OCA2: variants seen among roughly 807,000 people sequenced by gnomAD.
OCA2 encodes the protein OCA2 melanosomal transmembrane protein.
Under a neutral mutation model 100.2 loss-of-function variants are expected in OCA2, and 77 were observed. The ratio of observed to expected loss-of-function variants is 0.77; its 90% CI spans 0.64 to 0.93. The LOEUF is 0.93. Ranked by LOEUF, OCA2 falls within the 40% of genes least tolerant of loss-of-function variation. OCA2 has a pLI of 0.00. For missense variants in OCA2, 1,062 were observed against 1,089.1 expected (o/e 0.98, Z 0.35); for synonymous variants, 432 against 439.2 (o/e 0.98, Z 0.21).
At chr15:28,059,608 GTAC>G (rs1172516784) in intron 2 of OCA2, among the ~76,000 whole-genome samples, 7 of 152,264 alleles carry the variant, frequency 4.6e-5, no homozygotes, top group South Asian at 2.1e-4. Context: ...ACTAAAAGAT[GTAC>G]TACATTAAAA....
chr15:28,018,503 C>A lies in OCA2; in HGVS notation c.701G>T (p.Gly234Val). 6.2e-7 allele frequency: 1 copy of A among 1,613,778 alleles called. No individual in the cohort carries two copies. The highest frequency in any genetic ancestry group is 8.5e-7 in the Non-Finnish European group (1 of 1,179,920). ...ACTCGGCCCACTGGCCACTAGGGCC[C>A]CTGCCAGGTCCACCTGCAGCAGCGT... ...DSTLLQVDLA[G>V]ALVASGPSRP... The change falls in exon 7 of 24, where the codon GGG becomes GTG. Residue 234 changes from glycine (G) to valine (V), a missense_variant. Physicochemically the swap from Gly to Val is moderately radical, Grantham distance 109. Coordinates refer to ENST00000354638, the MANE Select transcript of OCA2 (RefSeq NM_000275.3).
chr15:28,056,118 C>G (rs1457731740), intron 2 of OCA2, among the ~76,000 whole-genome samples: 1 of 152,122 alleles, frequency 6.6e-6, no homozygotes, highest in Admixed American at 6.5e-5. Context: ...GTACAAGTGC[C>G]TGCAACGCTG....
chr15:28,000,376 T>C (rs1036586066), intron 9 of OCA2, among the ~76,000 whole-genome samples: 16 of 152,194 alleles, frequency 1.1e-4, no homozygotes, highest in African/African-American at 3.9e-4. Context: ...GGATAGTCTC[T>C]TCAATAAATG....
chr15:27,729,494 C>T, the OCA2 span, among the ~76,000 whole-genome samples: 13 of 152,076 alleles, frequency 8.5e-5, no homozygotes, highest in Admixed American at 7.9e-4. Context: ...TGCCACAATT[C>T]GTTACACTAC....
intron 15 of OCA2, among the ~76,000 whole-genome samples, chr15:27,966,428 G>T (rs2040568135): frequency 6.6e-6 from 1 of 152,180 alleles, no homozygotes; most frequent in Admixed American, 6.5e-5. Flanking sequence ...CGTGGCTTTA[G>T]GGGGTTATGA....
rs143177996 is a variant in OCA2, at chr15:28,057,094, A to G, written c.227+24554T>C. ...ACACTTCTTCCATTGCAAAGTTGCA[A>G]TGATTGATAGCATAAAATAGAACAC... is the stretch of plus-strand genomic sequence containing the variant. On this transcript the variant is annotated intron_variant, in intron 2 of 23. Transcript: ENST00000354638. Among the ~76,000 whole-genome samples the G allele has an allele frequency of 5.3e-4, 80 of 152,266 alleles. 1 individual carries two copies. Among genetic ancestry groups the G allele is most frequent in the Non-Finnish European group, 1.5e-5 (1 of 68,050 alleles).
At chr15:27,928,197 A>G (rs2039114959) in intron 18 of OCA2, among the ~76,000 whole-genome samples, 1 of 152,164 alleles carries the variant, frequency 6.6e-6, no homozygotes, top group African/African-American at 2.4e-5. Context: ...AGCAAATGAA[A>G]CCCAAAATAA....
chr15:28,057,698 C>T (rs191779471), intron 2 of OCA2, among the ~76,000 whole-genome samples: 22 of 152,350 alleles, frequency 1.4e-4, no homozygotes, highest in Admixed American at 7.2e-4. Flanking sequence ...ATGAACAAGA[C>T]ACACTCCCTG....
At chr15:27,888,675 C>T (rs894405956) in intron 19 of OCA2, among the ~76,000 whole-genome samples, 2 of 151,976 alleles carry the variant, frequency 1.3e-5, no homozygotes, top group African/African-American at 4.8e-5. Context: ...AATTTTATAT[C>T]ATCAATACAA....
intron 9 of OCA2, among the ~76,000 whole-genome samples, chr15:28,006,597 T>C (rs1470848297): frequency 2.0e-5 from 3 of 152,220 alleles, no homozygotes; most frequent in African/African-American, 7.2e-5. Context: ...GGGAGTGTAT[T>C]ACATAATCCA....
At chr15:27,727,225 G>A in the OCA2 span, among the ~76,000 whole-genome samples, 1 of 152,194 alleles carries the variant, frequency 6.6e-6, no homozygotes, top group Non-Finnish European at 1.5e-5. Context: ...AGCAGGGAGT[G>A]GTACAGTCTC....
At chr15:27,794,035 T>C (rs1231729324) in intron 23 of OCA2, among the ~76,000 whole-genome samples, 3 of 152,124 alleles carry the variant, frequency 2.0e-5, no homozygotes, top group Non-Finnish European at 4.4e-5. Context: ...TACAGAAAAT[T>C]CTCTCTAGAG....
At chr15:28,021,171 G>A (rs1442087733) in intron 6 of OCA2, among the ~76,000 whole-genome samples, 1 of 152,130 alleles carries the variant, frequency 6.6e-6, no homozygotes, top group Admixed American at 6.5e-5. Flanking sequence ...GCATCGGAGG[G>A]TCCCACCTCT....
chr15:27,905,527 C>T (rs565269120), intron 19 of OCA2, among the ~76,000 whole-genome samples: 1 of 152,188 alleles, frequency 6.6e-6, no homozygotes, highest in Admixed American at 6.5e-5. Context: ...CTGGGAGGTG[C>T]TGTGAGAGGA....
chr15:27,731,747 G>A, the OCA2 span, among the ~76,000 whole-genome samples: 2 of 152,188 alleles, frequency 1.3e-5, no homozygotes, highest in African/African-American at 2.4e-5. Flanking sequence ...ATCAGGTGCC[G>A]TGTGTTCACA....
chr15:27,861,015 G>T (rs2036110232), intron 21 of OCA2, among the ~76,000 whole-genome samples: 1 of 152,226 alleles, frequency 6.6e-6, no homozygotes. Flanking sequence ...CAGGGCAAGA[G>T]TGGAAACAAA....
At chr15:28,006,489 T>A (rs1205247172) in intron 9 of OCA2, among the ~76,000 whole-genome samples, 1 of 152,166 alleles carries the variant, frequency 6.6e-6, no homozygotes, top group Non-Finnish European at 1.5e-5. Context: ...CAGAAAAAAA[T>A]GTGAGTAGCA....
chr15:27,914,077 G>C (rs147958470), intron 19 of OCA2, among the ~76,000 whole-genome samples: 9 of 151,962 alleles, frequency 5.9e-5, no homozygotes, highest in African/African-American at 2.2e-4. Context: ...CAAGTTTGGT[G>C]CAACATATGC....
intron 2 of OCA2, among the ~76,000 whole-genome samples, chr15:28,069,507 T>C (rs1242287708): frequency 1.5e-5 from 2 of 130,086 alleles, no homozygotes; most frequent in Non-Finnish European, 3.2e-5. Flanking sequence ...CACTGCAACC[T>C]CCCTGCCTGA....
Sources: gnomAD v4.1 joint callset for allele counts (sites outside exome capture counted in the v4.1 genomes callset) on GRCh38, gnomAD v4.1.1 for gene constraint, MANE v1.5 for transcripts, NCBI Gene and HGNC (gene_info 2026-07-23, HGNC 2026-07-21) for gene names.